RAPGEF6: variants seen among roughly 807,000 people sequenced by gnomAD.
RAPGEF6 encodes PDZ domain containing guanine nucleotide exchange factor (GEF) 2.
A neutral mutation model predicts 171.4 loss-of-function variants in RAPGEF6; 56 were observed. That is an observed-to-expected ratio of 0.33 (90% CI 0.26 to 0.41). The LOEUF (loss-of-function observed/expected upper bound fraction) is 0.41, where lower values mean the gene tolerates loss of function less well. Ranked by LOEUF, RAPGEF6 falls within the 10% of genes least tolerant of loss-of-function variation. The pLI is 1.00. For synonymous variants in RAPGEF6, 692 were observed against 650.1 expected (o/e 1.06, Z -0.98); for missense variants, 1,674 against 1,921.4 (o/e 0.87, Z 2.41).
At chr5:131,497,686 G>A (rs944113460) in intron 12 of RAPGEF6, among the ~76,000 whole-genome samples, 5 of 152,184 alleles carry the variant, frequency 3.3e-5, no homozygotes, top group African/African-American at 9.7e-5. Flanking sequence ...GTGCAAGCCT[G>A]TAGTTTTAGA....
At chr5:131,479,333 T>A (rs1377195601) in intron 16 of RAPGEF6, among the ~76,000 whole-genome samples, 180 bp downstream of exon 16, 1 of 152,214 alleles carries the variant, frequency 6.6e-6, no homozygotes, top group African/African-American at 2.4e-5. Context: ...CTGAAAGTAG[T>A]AACTTCATGA....
intron 4 of RAPGEF6, among the ~76,000 whole-genome samples, chr5:131,591,472 G>C (rs1580637542): frequency 6.6e-6 from 1 of 152,276 alleles, no homozygotes; most frequent in East Asian, 1.9e-4. Context: ...CTATGAAAGA[G>C]GTTGTATTAT....
In RAPGEF6 at chr5:131,442,444, A is replaced by C. The variant is rs1451884365; in HGVS notation, c.3515T>G (p.Leu1172Trp). The C allele has an allele frequency of 6.2e-7, 1 of 1,614,166 alleles. No homozygotes were observed. The change falls in exon 23 of 28, where the codon TTG becomes TGG. Residue 1172 changes from leucine to tryptophan, a missense_variant. By Grantham distance (61) the Leu-to-Trp change is moderately conservative. Coordinates refer to ENST00000509018, the MANE Select transcript of RAPGEF6 (RefSeq NM_016340.6). ...RSAGQTTKAH[L>W]HQPHRVSQVL... ...CTGGCTTACTCTGTGGGGTTGATGC[A>C]AGTGGGCTTTAGTTGTTTGGCCAGC...
At chr5:131,562,591 C>T (rs565323728) in intron 4 of RAPGEF6, among the ~76,000 whole-genome samples, 3 of 152,320 alleles carry the variant, frequency 2.0e-5, no homozygotes, top group African/African-American at 7.2e-5. Context: ...AAGCGCCTAA[C>T]ATAAAATGAT....
intron 3 of RAPGEF6, among the ~76,000 whole-genome samples, chr5:131,594,339 G>A (rs1224844156): frequency 1.3e-5 from 2 of 152,272 alleles, no homozygotes; most frequent in African/African-American, 4.8e-5. Flanking sequence ...TCCACATGGT[G>A]TTGGGCCTGC....
intron 4 of RAPGEF6, among the ~76,000 whole-genome samples, chr5:131,591,143 T>A (rs192490765): frequency 6.6e-6 from 1 of 152,186 alleles, no homozygotes; most frequent in African/African-American, 2.4e-5. Context: ...AATTGAGATG[T>A]CCCATATCCT....
chr5:131,510,578 A>C (rs899995558), intron 7 of RAPGEF6, 87 bp from the exon 8 acceptor site: 3 of 1,269,618 alleles, frequency 2.4e-6, no homozygotes, highest in Non-Finnish European at 3.3e-6. Context: ...ACCCATCCCT[A>C]CAAAATATAA....
intron 4 of RAPGEF6, 86 bp downstream of exon 4, chr5:131,592,297 T>C: frequency 2.6e-6 from 4 of 1,521,502 alleles, no homozygotes; most frequent in Admixed American, 2.1e-5. Context: ...ATTTAAAAGA[T>C]GTATCACTTA....
chr5:131,526,261 T>C (rs141383904), intron 6 of RAPGEF6, among the ~76,000 whole-genome samples: 140 of 152,304 alleles, frequency 9.2e-4, no homozygotes, highest in African/African-American at 3.2e-3. Context: ...CTGACTGCAA[T>C]GAACATTTGA....
chr5:131,552,947 G>A (rs1761012537), intron 5 of RAPGEF6, among the ~76,000 whole-genome samples: 1 of 152,086 alleles, frequency 6.6e-6, no homozygotes, highest in Non-Finnish European at 1.5e-5. Flanking sequence ...TATACTGAAA[G>A]TATTAGAGAA....
At chr5:131,612,894 C>A (rs1483060043) in intron 1 of RAPGEF6, among the ~76,000 whole-genome samples, 1 of 152,146 alleles carries the variant, frequency 6.6e-6, no homozygotes, top group Non-Finnish European at 1.5e-5. Context: ...ATGTTAAAGT[C>A]TGAAAGAGAA....
At chr5:131,482,574 A>T (rs986280072) in intron 15 of RAPGEF6, among the ~76,000 whole-genome samples, 8 of 152,180 alleles carry the variant, frequency 5.3e-5, no homozygotes, top group African/African-American at 1.7e-4. Flanking sequence ...AAGTGATGGG[A>T]TTACAGGGGT....
intron 4 of RAPGEF6, among the ~76,000 whole-genome samples, chr5:131,566,157 G>GAA (rs1175721229): frequency 9.8e-6 from 1 of 102,270 alleles, no homozygotes; most frequent in African/African-American, 3.6e-5. Context: ...AATAAAGAAA[G>GAA]AAAAAAAAAA....
intron 24 of RAPGEF6, 60 bp from the exon 25 acceptor site, chr5:131,433,718 T>G: frequency 7.9e-7 from 1 of 1,265,190 alleles, no homozygotes. Context: ...GTGGGGGTAG[T>G]AGGGGAAAGG....
At chr5:131,556,365 C>G (rs1761237078) in intron 5 of RAPGEF6, among the ~76,000 whole-genome samples, 2 of 151,990 alleles carry the variant, frequency 1.3e-5, no homozygotes, top group South Asian at 4.2e-4. Flanking sequence ...CGAGATCATG[C>G]CACTGCACTC....
intron 27 of RAPGEF6, among the ~76,000 whole-genome samples, chr5:131,427,809 A>C (rs578023336): frequency 1.3e-5 from 2 of 152,292 alleles, no homozygotes; most frequent in Admixed American, 1.3e-4. Flanking sequence ...CATTTCATTT[A>C]AAAAATACAC....
At chr5:131,463,454 C>A (rs188368754) in intron 18 of RAPGEF6, among the ~76,000 whole-genome samples, 83 of 152,022 alleles carry the variant, frequency 5.5e-4, no homozygotes, top group Middle Eastern at 3.4e-3. Context: ...TGGCATGTGC[C>A]TGTAGTCCCA....
In RAPGEF6 at chr5:131,464,188, A is replaced by G; in HGVS notation, c.2333T>C (p.Phe778Ser). The G allele has an allele frequency of 6.2e-7, 1 of 1,613,970 alleles. No individual in the cohort carries two copies. Among genetic ancestry groups the G allele is most frequent in the Non-Finnish European group, 8.5e-7 (1 of 1,179,876 alleles). ...CAAACCAAATTCATGAACAGCATGAAAAACTACTTCTTTAGCTGTGGTGTC... is the reference window on the plus strand; with the variant it reads ...CAAACCAAATTCATGAACAGCATGAGAAACTACTTCTTTAGCTGTGGTGTC... ...SKDTTAKEVV[F>S]HAVHEFGLTG... Residue 778 changes from phenylalanine (F) to serine (S), a missense_variant, in exon 18 of 28, where the codon TTT becomes TCT. Phe to Ser is a radical substitution (Grantham distance 155). This residue lies in a region of RAPGEF6 where 1,116 missense variants were observed against 1,321.5 expected (regional missense o/e 0.84). Transcript: ENST00000509018.
chr5:131,444,542 T>G (rs1428518734), intron 22 of RAPGEF6, among the ~76,000 whole-genome samples: 1 of 152,192 alleles, frequency 6.6e-6, no homozygotes, highest in African/African-American at 2.4e-5. Context: ...ATAGTGACTA[T>G]TTAAACATTT....
Sources: gnomAD v4.1 joint callset for allele counts (sites outside exome capture counted in the v4.1 genomes callset) on GRCh38, gnomAD v4.1.1 for gene constraint, gnomAD v4.1.1 regional missense constraint, MANE v1.5 for transcripts, NCBI Gene and HGNC (gene_info 2026-07-23, HGNC 2026-07-21) for gene names.